The following CIB3 variants were observed in gnomAD, a reference collection of about 807,000 sequenced individuals.
CIB3 encodes the protein calcium and integrin-binding family member 3.
A neutral mutation model predicts 23.4 loss-of-function variants in CIB3; 22 were observed. The ratio of observed to expected loss-of-function variants is 0.94; its 90% CI spans 0.67 to 1.34. The LOEUF (loss-of-function observed/expected upper bound fraction) is 1.34, where lower values mean the gene tolerates loss of function less well. CIB3 is among the 40% of genes most tolerant of loss of function. CIB3 has a pLI of 0.00. For missense variants in CIB3, 258 were observed against 247.3 expected, an observed-to-expected ratio of 1.04 and a Z score of -0.29; for synonymous variants, 93 against 95.8, an observed-to-expected ratio of 0.97 and a Z score of 0.17.
intron 4 of CIB3, among the ~76,000 whole-genome samples, chr19:16,165,677 A>G (rs1030373365): frequency 2.6e-5 from 4 of 152,128 alleles, no homozygotes; most frequent in Non-Finnish European, 5.9e-5. Flanking sequence ...TCCTGACCTC[A>G]GGTGATCCAC....
chr19:16,162,562 GC>G (rs1288954464), intron 5 of CIB3, among the ~76,000 whole-genome samples: 3 of 152,118 alleles, frequency 2.0e-5, no homozygotes, highest in African/African-American at 7.2e-5. Flanking sequence ...GACCAGCCTG[GC>G]CAACATGGCG....
At chr19:16,169,557 C>G in intron 3 of CIB3, 73 bp downstream of exon 3, 1 of 1,338,042 alleles carries the variant, frequency 7.5e-7, no homozygotes, top group East Asian at 2.5e-5. Context: ...AACTGCAGCA[C>G]TGACCTCAGA....
chr19:16,173,252 G>C, intron 1 of CIB3, 56 bp from the exon 2 acceptor site: 1 of 1,611,774 alleles, frequency 6.2e-7, no homozygotes, highest in Non-Finnish European at 8.5e-7. Context: ...CTCCTCCCAC[G>C]GCCTCCTCCC....
chr19:16,173,183 A>C lies in CIB3; in HGVS notation c.65T>G (p.Phe22Cys), dbSNP rs2091337215. 2 of 1,613,888 alleles carry C rather than the reference A, an allele frequency of 1.2e-6. No individual in the cohort carries two copies. The highest frequency in any genetic ancestry group is 4.5e-5 in the East Asian group (2 of 44,862). Reference protein sequence around the residue: ...QLEAYQDCTFFTRKEIMRLFY... With the variant: ...QLEAYQDCTFCTRKEIMRLFY... ...TGACCTCATGATCTCCTTCCTTGTG[A>C]AAAATGTGCAGTCCTGTGGAGAGAG... The change falls in exon 2 of 6, where the codon TTC becomes TGC. Residue 22 changes from phenylalanine (F) to cysteine (C), a missense_variant. Phe to Cys is a radical substitution (Grantham distance 205, BLOSUM62 -2). Transcript: ENST00000269878.
intron 3 of CIB3, among the ~76,000 whole-genome samples, chr19:16,168,539 C>A (rs2091315275): frequency 6.6e-6 from 1 of 152,204 alleles, no homozygotes. Flanking sequence ...GAGTTCCATT[C>A]ACCTGGCAAT....
At chr19:16,166,153 G>A (rs1054001636) in intron 4 of CIB3, among the ~76,000 whole-genome samples, 3 of 152,064 alleles carry the variant, frequency 2.0e-5, no homozygotes, top group Non-Finnish European at 2.9e-5. Context: ...TTAGCGGGGC[G>A]TGGTGCGGGT....
At chr19:16,164,113 G>A (rs1281212002) in intron 5 of CIB3, among the ~76,000 whole-genome samples, 1 of 152,064 alleles carries the variant, frequency 6.6e-6, no homozygotes, top group African/African-American at 2.4e-5. Context: ...TGGGACTACA[G>A]GCATGCACCA....
intron 4 of CIB3, 38 bp downstream of exon 4, chr19:16,168,099 C>CCA: frequency 6.4e-7 from 1 of 1,573,680 alleles, no homozygotes. Context: ...CTCCCCACCC[C>CCA]ATCCCCATGC....
intron 3 of CIB3, among the ~76,000 whole-genome samples, chr19:16,168,938 CAGTT>C (rs2091316880): frequency 1.3e-5 from 2 of 152,166 alleles, no homozygotes; most frequent in Non-Finnish European, 1.5e-5. Context: ...TACTCACAGT[CAGTT>C]ACTCAACCCA....
At chr19:16,165,527 TC>T (rs1272872609) in intron 4 of CIB3, among the ~76,000 whole-genome samples, 1 of 151,336 alleles carries the variant, frequency 6.6e-6, no homozygotes, top group Non-Finnish European at 1.5e-5. Flanking sequence ...CACTGCAACC[TC>T]CACCTCCTGG....
At chr19:16,167,027 C>T (rs2091308609) in intron 4 of CIB3, among the ~76,000 whole-genome samples, 1 of 152,118 alleles carries the variant, frequency 6.6e-6, no homozygotes, top group Admixed American at 6.6e-5. Flanking sequence ...ACCAGTCTGG[C>T]CAACATGGTG....
chr19:16,165,467 G>T (rs1368948060), intron 4 of CIB3, among the ~76,000 whole-genome samples: 1 of 151,340 alleles, frequency 6.6e-6, no homozygotes, highest in East Asian at 2.0e-4. Context: ...TCTTTGAGAC[G>T]GAGTCTCGCT....
chr19:16,164,160 A>C (rs2091296033), intron 5 of CIB3, among the ~76,000 whole-genome samples: 1 of 151,882 alleles, frequency 6.6e-6, no homozygotes, highest in African/African-American at 2.4e-5. Context: ...TTATTTGTAG[A>C]TATGGACTCT....
intron 5 of CIB3, 32 bp downstream of exon 5, chr19:16,164,686 A>G: frequency 6.2e-7 from 1 of 1,600,440 alleles, no homozygotes; most frequent in Non-Finnish European, 8.6e-7. Flanking sequence ...CAGATGTGCA[A>G]ATGGACTGTG....
At chr19:16,164,654 A>C in intron 5 of CIB3, 64 bp downstream of exon 5, 1 of 1,429,484 alleles carries the variant, frequency 7.0e-7, no homozygotes, top group Non-Finnish European at 9.7e-7. Context: ...GAGTCTGTGA[A>C]CTGTCTGCGT....
chr19:16,167,765 G>A lies in CIB3; in HGVS notation c.346+372C>T, dbSNP rs561760144. On this transcript the variant is annotated intron_variant, in intron 4 of 5. Transcript: ENST00000269878. ...AAGAATCACTTGAACCTGGGAGGCG[G>A]AGACTGCAGTAAGCCAAGATTGAGC... Among the ~76,000 whole-genome samples, 19 of 152,272 alleles carry A rather than the reference G, an allele frequency of 1.2e-4. 1 individual carries two copies. The highest frequency in any genetic ancestry group is 4.1e-4 in the African/African-American group (17 of 41,556).
In CIB3 at chr19:16,164,857, G is replaced by C. The variant is rs1568336865; in HGVS notation, c.403C>G (p.Leu135Val). The change falls in exon 5 of 6, where the codon CTG becomes GTG. Residue 135 changes from leucine (L) to valine (V), a missense_variant. Leu to Val is a conservative substitution (Grantham distance 32). Coordinates refer to ENST00000269878, the MANE Select transcript of CIB3 (RefSeq NM_054113.4). Reference protein sequence around the residue: ...AWDLEQTVTKLTRGGLSAEEV... With the variant: ...AWDLEQTVTKVTRGGLSAEEV... ...TCGGCACTCAGCCCCCCCCGCGTCA[G>C]TTTGGTCACCGTCTGCTCCAGGTCC... 1 of 1,614,116 alleles carries C rather than the reference G, an allele frequency of 6.2e-7. No homozygotes were observed. The highest frequency in any genetic ancestry group is 1.7e-5 in the Admixed American group (1 of 59,984).
chr19:16,167,435 A>AGT, intron 4 of CIB3, among the ~76,000 whole-genome samples: 1 of 152,226 alleles, frequency 6.6e-6, no homozygotes, highest in Non-Finnish European at 1.5e-5. Flanking sequence ...TCAAGGAACA[A>AGT]GAAATTAAGC....
rs747437084 is a variant in CIB3 at position 16,168,325 on chromosome 19, C to T, written c.199-41G>A. On this transcript the variant is annotated intron_variant, in intron 3 of 5. Transcript: ENST00000269878. The stretch of plus-strand genomic sequence containing the variant: ...AAGCTGGGAGGCCATCCTCTGACCC[C>T]CAAGGTCTCTGGGGTCCATGTGGTC... 4.3e-6 allele frequency: 7 copies of T among 1,609,526 alleles called. No homozygotes were observed. The South Asian group carries it at 7.8e-5, about 18-fold the overall frequency.
Sources: gnomAD v4.1 joint callset for allele counts (sites outside exome capture counted in the v4.1 genomes callset) on GRCh38, gnomAD v4.1.1 for gene constraint, MANE v1.5 for transcripts, NCBI Gene and HGNC (gene_info 2026-07-23, HGNC 2026-07-21) for gene names.